Variants in ISOC1 observed in about 807,000 individuals in gnomAD.
ISOC1 encodes the protein isochorismatase domain containing 1.
Under a neutral mutation model 30.0 loss-of-function variants are expected in ISOC1, and 33 were observed. The observed-to-expected ratio is 1.10, with a 90% CI of 0.83 to 1.47. ISOC1 has a LOEUF of 1.47. Among genes scored for constraint, ISOC1 ranks in the 40% most tolerant of loss-of-function variants. The pLI is 0.00. For missense variants in ISOC1, 372 were observed against 388.0 expected, an observed-to-expected ratio of 0.96 and a Z score of 0.35; for synonymous variants, 178 against 159.8, an observed-to-expected ratio of 1.11 and a Z score of -0.86.
intron 4 of ISOC1, among the ~76,000 whole-genome samples, chr5:129,111,051 C>G (rs1372619128): frequency 6.6e-6 from 1 of 152,096 alleles, no homozygotes; most frequent in South Asian, 2.1e-4. Flanking sequence ...TGCAGCTTAT[C>G]ATATTTATTA....
At chr5:129,104,824 T>C (rs1753615255) in intron 1 of ISOC1, 132 bp from the exon 2 acceptor site, 2 of 812,884 alleles carry the variant, frequency 2.5e-6, no homozygotes, top group East Asian at 5.3e-5. Context: ...GATACTTTTT[T>C]TGGATAATAG....
chr5:129,111,332 C>T (rs901804302), intron 4 of ISOC1, among the ~76,000 whole-genome samples: 1 of 152,124 alleles, frequency 6.6e-6, no homozygotes, highest in East Asian at 1.9e-4. Context: ...AGCTGCTCTG[C>T]ACCCTTTTCT....
chr5:129,112,464 A>G (rs1414804556), intron 4 of ISOC1, among the ~76,000 whole-genome samples: 1 of 152,226 alleles, frequency 6.6e-6, no homozygotes, highest in Non-Finnish European at 1.5e-5. Flanking sequence ...CAAACCTGCC[A>G]GGAGTGTTCA....
intron 1 of ISOC1, among the ~76,000 whole-genome samples, chr5:129,095,576 C>T (rs1434737148): frequency 2.0e-5 from 3 of 152,232 alleles, no homozygotes; most frequent in Non-Finnish European, 4.4e-5. Context: ...CCCCCGCCTT[C>T]CCAGGCTCTC....
At chr5:129,100,911 TA>T (rs76819663) in intron 1 of ISOC1, among the ~76,000 whole-genome samples, 105 of 141,548 alleles carry the variant, frequency 7.4e-4, no homozygotes, top group East Asian at 1.6e-3. Context: ...GGGAGGCCAT[TA>T]AAAAAAAAAA....
At chr5:129,111,711 T>C (rs1201588298) in intron 4 of ISOC1, among the ~76,000 whole-genome samples, 1 of 152,182 alleles carries the variant, frequency 6.6e-6, no homozygotes, top group African/African-American at 2.4e-5. Flanking sequence ...TTCCTCTCTC[T>C]ACCCTTTACC....
intron 1 of ISOC1, among the ~76,000 whole-genome samples, chr5:129,097,408 T>A (rs1294889898): frequency 6.6e-6 from 1 of 152,096 alleles, no homozygotes; most frequent in African/African-American, 2.4e-5. Context: ...TATATATGCA[T>A]ATGTGTGTAT....
intron 2 of ISOC1, 25 bp downstream of exon 2, chr5:129,105,100 A>G: frequency 6.2e-7 from 1 of 1,613,722 alleles, no homozygotes; most frequent in South Asian, 1.1e-5. Context: ...TTATTTGGTC[A>G]TATTTGCTGA....
At chr5:129,106,450 T>C (rs1580788801) in intron 3 of ISOC1, among the ~76,000 whole-genome samples, 1 of 152,212 alleles carries the variant, frequency 6.6e-6, no homozygotes, top group South Asian at 2.1e-4. Flanking sequence ...GGTATTTTTT[T>C]CCCGTGTCAT....
chr5:129,109,715 G>A (rs1345224705), intron 4 of ISOC1, among the ~76,000 whole-genome samples: 2 of 152,152 alleles, frequency 1.3e-5, no homozygotes, highest in African/African-American at 4.8e-5. Flanking sequence ...GTCTTGATTT[G>A]ATACGGAGGC....
At chr5:129,100,557 A>G (rs1353441814) in intron 1 of ISOC1, among the ~76,000 whole-genome samples, 2 of 152,176 alleles carry the variant, frequency 1.3e-5, no homozygotes, top group East Asian at 1.9e-4. Flanking sequence ...TGTAATTGCT[A>G]TGCTTTTACT....
At chr5:129,095,394 A>C (rs1753483595) in intron 1 of ISOC1, among the ~76,000 whole-genome samples, 1 of 152,216 alleles carries the variant, frequency 6.6e-6, no homozygotes, top group African/African-American at 2.4e-5. Context: ...ATCAGGTCCC[A>C]GCCTCCTGCG....
At chr5:129,112,540 C>G (rs1753721307) in intron 4 of ISOC1, among the ~76,000 whole-genome samples, 1 of 151,934 alleles carries the variant, frequency 6.6e-6, no homozygotes, top group African/African-American at 2.4e-5. Flanking sequence ...CATTCCTTTT[C>G]TCTCTCTCAT....
At chr5:129,099,925 C>T (rs997968029) in intron 1 of ISOC1, among the ~76,000 whole-genome samples, 5 of 152,124 alleles carry the variant, frequency 3.3e-5, no homozygotes, top group African/African-American at 9.7e-5. Flanking sequence ...TTCATGTAAT[C>T]GAAATTAGTG....
intron 1 of ISOC1, among the ~76,000 whole-genome samples, chr5:129,100,683 T>G (rs1753559997): frequency 6.6e-6 from 1 of 152,068 alleles, no homozygotes; most frequent in African/African-American, 2.4e-5. Flanking sequence ...CCTTAAAGAT[T>G]TTGGTTTAAG....
At chr5:129,107,108 TAAATG>T (rs1475805007) in intron 4 of ISOC1, 46 bp downstream of exon 4, 1 of 1,434,470 alleles carries the variant, frequency 7.0e-7, no homozygotes, top group Non-Finnish European at 9.8e-7. Flanking sequence ...GTTTTCCAAA[TAAATG>T]AGAAGAATAC....
At chr5:129,102,607 T>G in intron 1 of ISOC1, among the ~76,000 whole-genome samples, 1 of 152,216 alleles carries the variant, frequency 6.6e-6, no homozygotes, top group East Asian at 1.9e-4. Context: ...CCTTCTGAAA[T>G]ATATAATTTA....
At chr5:129,109,466 C>T (rs907685221) in intron 4 of ISOC1, among the ~76,000 whole-genome samples, 3 of 152,128 alleles carry the variant, frequency 2.0e-5, no homozygotes, top group South Asian at 2.1e-4. Flanking sequence ...GTTGTCTTCA[C>T]GTGGTTAGTC....
Position 129,099,513 on chromosome 5 carries a change from T to C in ISOC1, c.309+4438T>C, listed in dbSNP as rs76530506. 4.4e-4 allele frequency among the ~76,000 whole-genome samples: 67 copies of C among 152,366 alleles called. 2 individuals carry two copies. The East Asian group carries it at 0.011, about 25-fold the overall frequency. On this transcript the variant is annotated intron_variant, in intron 1 of 4. Transcript: ENST00000173527. ...TTCACAGCCTAAATTAAAAAGTCCC[T>C]GATCTGTTTTTCCAGGAACAATCTT...
Sources: gnomAD v4.1 joint callset for allele counts (sites outside exome capture counted in the v4.1 genomes callset) on GRCh38, gnomAD v4.1.1 for gene constraint, MANE v1.5 for transcripts, NCBI Gene and HGNC (gene_info 2026-07-23, HGNC 2026-07-21) for gene names.